Variants in CSMD1 observed in about 807,000 individuals in gnomAD.
The protein encoded by CSMD1 is CUB and Sushi multiple domains 1.
Under a neutral mutation model 417.5 loss-of-function variants are expected in CSMD1, and 213 were observed. That is an observed-to-expected ratio of 0.51 (90% confidence interval 0.46 to 0.57). The LOEUF is 0.57. CSMD1 is among the 20% of genes least tolerant of loss of function. The pLI, the probability that CSMD1 is intolerant of heterozygous loss-of-function variation, is 0.00. For synonymous variants in CSMD1, 2,862 were observed against 1,736.8 expected (o/e 1.65, Z -16.11); for missense variants, 6,923 against 4,529.7 (o/e 1.53, Z -15.17).
At chr8:2,985,835 A>C (rs1366111432) in intron 54 of CSMD1, among the ~76,000 whole-genome samples, 1 of 151,790 alleles carries the variant, frequency 6.6e-6, no homozygotes, top group Non-Finnish European at 1.5e-5. Context: ...AGGAAACCGG[A>C]AATGTGCTCC....
At chr8:3,120,814 T>A (rs764007087) in intron 41 of CSMD1, among the ~76,000 whole-genome samples, 53 of 152,022 alleles carry the variant, frequency 3.5e-4, no homozygotes, top group Non-Finnish European at 6.3e-4. Context: ...GCCACTGCAC[T>A]CCAGCCTGGC....
chr8:3,890,941 C>T (rs1458282343), intron 5 of CSMD1, among the ~76,000 whole-genome samples: 1 of 141,790 alleles, frequency 7.1e-6, no homozygotes, highest in Non-Finnish European at 1.5e-5. Context: ...TCTCATACGA[C>T]TCTCATACGA....
At chr8:4,354,228 T>C (rs1321346195) in intron 3 of CSMD1, among the ~76,000 whole-genome samples, 2 of 152,194 alleles carry the variant, frequency 1.3e-5, no homozygotes, top group Admixed American at 6.5e-5. Context: ...CCTTCCGATA[T>C]TTCCACCTTA....
intron 6 of CSMD1, among the ~76,000 whole-genome samples, chr8:3,709,124 G>A (rs1331218426): frequency 2.0e-5 from 3 of 150,142 alleles, no homozygotes; most frequent in African/African-American, 4.9e-5. Context: ...GATGTACTAC[G>A]GCCTGCATTA....
intron 3 of CSMD1, among the ~76,000 whole-genome samples, chr8:4,200,221 C>A (rs974105563): frequency 6.6e-6 from 1 of 152,242 alleles, no homozygotes; most frequent in African/African-American, 2.4e-5. Flanking sequence ...GAAATTCTGG[C>A]CAGCATTTCA....
chr8:3,522,748 T>C (rs1021071361), intron 10 of CSMD1, among the ~76,000 whole-genome samples: 2 of 152,074 alleles, frequency 1.3e-5, no homozygotes, highest in Non-Finnish European at 2.9e-5. Flanking sequence ...ATTCGGGAAC[T>C]ACAAAGTGCT....
At chr8:4,198,779 G>C (rs1449709373) in intron 3 of CSMD1, among the ~76,000 whole-genome samples, 1 of 151,960 alleles carries the variant, frequency 6.6e-6, no homozygotes, top group African/African-American at 2.4e-5. Context: ...TATTCTAAGA[G>C]TTCATCGACT....
intron 3 of CSMD1, among the ~76,000 whole-genome samples, chr8:4,042,130 C>A (rs1012921529): frequency 2.6e-5 from 4 of 151,982 alleles, no homozygotes; most frequent in African/African-American, 9.7e-5. Context: ...AAACAAATTA[C>A]CTAAAAACTT....
intron 2 of CSMD1, among the ~76,000 whole-genome samples, chr8:4,530,994 T>C (rs1488446859): frequency 1.3e-5 from 2 of 151,972 alleles, no homozygotes; most frequent in Non-Finnish European, 2.9e-5. Flanking sequence ...GTGAGGCAAA[T>C]CACATGAACT....
At chr8:4,210,945 C>T (rs1333573740) in intron 3 of CSMD1, among the ~76,000 whole-genome samples, 2 of 152,066 alleles carry the variant, frequency 1.3e-5, no homozygotes, top group African/African-American at 4.8e-5. Flanking sequence ...TGGAGTTCTG[C>T]TTTAAACTTC....
At chr8:4,284,869 A>C (rs1796977704) in intron 3 of CSMD1, among the ~76,000 whole-genome samples, 2 of 152,316 alleles carry the variant, frequency 1.3e-5, no homozygotes, top group Non-Finnish European at 2.9e-5. Context: ...AAAAAAAACT[A>C]GTTTAAAAAA....
intron 47 of CSMD1, 81 bp from the exon 48 acceptor site, chr8:3,091,743 A>C: frequency 1.6e-6 from 2 of 1,280,860 alleles, no homozygotes; most frequent in Non-Finnish European, 2.1e-6. Context: ...TTTTGATTAC[A>C]CTGGAGTCTA....
intron 9 of CSMD1, among the ~76,000 whole-genome samples, chr8:3,578,872 C>G (rs934231856): frequency 6.6e-6 from 1 of 152,328 alleles, no homozygotes; most frequent in Admixed American, 6.5e-5. Flanking sequence ...CTACAGTATA[C>G]CAGTGCCAAG....
Position 3,448,399 on chromosome 8 carries a change from G to C in CSMD1, c.1561+20313C>G, listed in dbSNP as rs913197700. ...GGAGGGGGAGGAGGGAGGAGGAAGG[G>C]AAGGAAGGAAGGAAGGAAGGGAAGG... On this transcript the variant is annotated intron_variant, in intron 12 of 69. Coordinates refer to ENST00000635120, the MANE Select transcript of CSMD1 (RefSeq NM_033225.6). Among the ~76,000 whole-genome samples, 2 of 124,702 alleles carry C rather than the reference G, an allele frequency of 1.6e-5. 1 individual carries two copies. Among genetic ancestry groups the C allele is most frequent in the Non-Finnish European group, 3.5e-5 (2 of 56,640 alleles). The allele number at this position is 124,702 out of a possible 152,430, so 81.8% of individuals were successfully genotyped here.
At chr8:3,166,902 T>C (rs1820255171) in intron 37 of CSMD1, among the ~76,000 whole-genome samples, 1 of 152,172 alleles carries the variant, frequency 6.6e-6, no homozygotes, top group South Asian at 2.1e-4. Flanking sequence ...TCAAGAGAAA[T>C]AATTTGTACT....
At chr8:3,351,462 T>C (rs573405261) in intron 21 of CSMD1, among the ~76,000 whole-genome samples, 1 of 151,744 alleles carries the variant, frequency 6.6e-6, no homozygotes, top group East Asian at 2.0e-4. Flanking sequence ...AATACAAAAA[T>C]TAGCTAGGCG....
intron 47 of CSMD1, among the ~76,000 whole-genome samples, chr8:3,096,640 A>G (rs1015564189): frequency 6.6e-6 from 1 of 152,290 alleles, no homozygotes; most frequent in Non-Finnish European, 1.5e-5. Flanking sequence ...AAATGGACTA[A>G]TACAGTACAA....
At chr8:3,338,986 TCCCCCCA>T (rs1807464269) in intron 23 of CSMD1, among the ~76,000 whole-genome samples, 1 of 41,852 alleles carries the variant, frequency 2.4e-5, no homozygotes, top group Non-Finnish European at 4.4e-5. Flanking sequence ...CCCTCCCCCC[TCCCCCCA>T]CCCCACAACA....
At chr8:4,097,313 C>T (rs1242707864) in intron 3 of CSMD1, among the ~76,000 whole-genome samples, 4 of 152,150 alleles carry the variant, frequency 2.6e-5, no homozygotes, top group Non-Finnish European at 5.9e-5. Flanking sequence ...TACTGAAACA[C>T]TTATTTTAAT....
Sources: allele counts gnomAD v4.1 joint callset (sites outside exome capture counted in the v4.1 genomes callset), GRCh38; gene constraint gnomAD v4.1.1; transcripts MANE v1.5; gene names NCBI Gene and HGNC (gene_info 2026-07-23, HGNC 2026-07-21).